SMURF1: variants seen among roughly 807,000 people sequenced by gnomAD.
SMURF1 encodes the protein SMAD specific E3 ubiquitin protein ligase 1, also known as E3 ubiquitin-protein ligase SMURF1.
In SMURF1, 44 loss-of-function variants were observed where a neutral mutation model predicts 98.0. That is an observed-to-expected ratio of 0.45 (90% CI 0.35 to 0.58). The LOEUF (loss-of-function observed/expected upper bound fraction) is 0.58. Ranked by LOEUF, SMURF1 falls within the 20% of genes least tolerant of loss-of-function variation. The pLI, the probability that SMURF1 is intolerant of heterozygous loss-of-function variation, is 0.00. For missense variants in SMURF1, 687 were observed against 938.4 expected (o/e 0.73, Z 3.50); for synonymous variants, 396 against 374.9 (o/e 1.06, Z -0.65).
intron 1 of SMURF1, among the ~76,000 whole-genome samples, chr7:99,068,931 C>T (rs1796259222): frequency 6.6e-6 from 1 of 152,120 alleles, no homozygotes; most frequent in South Asian, 2.1e-4. Flanking sequence ...TCACTCAAGC[C>T]AGTGTTTCCC....
chr7:99,051,632 C>T (rs187201400), intron 7 of SMURF1, among the ~76,000 whole-genome samples, 191 bp from the exon 8 acceptor site: 105 of 152,280 alleles, frequency 6.9e-4, no homozygotes, highest in African/African-American at 2.2e-3. Flanking sequence ...CTTTCCAGAG[C>T]ACTACAGACA....
chr7:99,045,652 G>T, intron 11 of SMURF1, 46 bp downstream of exon 11: 1 of 1,481,596 alleles, frequency 6.7e-7, no homozygotes, highest in Non-Finnish European at 9.4e-7. Context: ...CTCTTGAAAA[G>T]ACTGAGATCC....
At chr7:99,051,065 G>A (rs1795741524) in intron 8 of SMURF1, 1 of 1,382,554 alleles carries the variant, frequency 7.2e-7, no homozygotes. Context: ...GACTTATGAT[G>A]GAAAATTTTA....
intron 15 of SMURF1, chr7:99,036,113 G>A (rs1273982830): frequency 8.4e-6 from 2 of 236,974 alleles, no homozygotes; most frequent in Non-Finnish European, 1.7e-5. Context: ...CAAGTCTGAA[G>A]AGAGGAGAAT....
chr7:99,095,300 G>T (rs1321807945), intron 1 of SMURF1, among the ~76,000 whole-genome samples: 1 of 152,008 alleles, frequency 6.6e-6, no homozygotes, highest in Non-Finnish European at 1.5e-5. Flanking sequence ...GGCTGGTCTT[G>T]AACTGCTGAC....
At position 99,038,430 on chromosome 7, in the gene SMURF1, C is replaced by G. The variant is rs144216618; in HGVS notation, c.1646G>C (p.Arg549Thr). The G allele has an allele frequency of 6.2e-7, 1 of 1,614,254 alleles. No individual in the cohort carries two copies. The highest frequency in any genetic ancestry group is 8.5e-7 in the Non-Finnish European group (1 of 1,180,052). Residue 549 changes from arginine to threonine, a missense_variant, in exon 14 of 18, where the codon AGA (arginine) becomes ACA (threonine). Around this residue, in one of 2 missense-constraint regions of SMURF1, gnomAD observed 272 missense variants for 430.0 expected, o/e 0.63. Coordinates refer to ENST00000361368, the MANE Select transcript of SMURF1 (RefSeq NM_181349.3). ...ILQHELKPNGRNVPVTEENKK... is the reference protein window; with the variant it reads ...ILQHELKPNGTNVPVTEENKK... ...ATTCTCCTCTGTGACTGGCACATTT[C>G]TGCCATTGGGTTTCAGTTCATGCTG...
At chr7:99,139,227 C>T (rs1250526691) in intron 1 of SMURF1, among the ~76,000 whole-genome samples, 1 of 152,186 alleles carries the variant, frequency 6.6e-6, no homozygotes, top group Non-Finnish European at 1.5e-5. Flanking sequence ...CACAGTTGCA[C>T]CATCTGAATG....
intron 1 of SMURF1, among the ~76,000 whole-genome samples, chr7:99,108,380 C>A (rs908135915): frequency 6.6e-6 from 1 of 151,562 alleles, no homozygotes; most frequent in African/African-American, 2.4e-5. Flanking sequence ...GAGGCCGAGG[C>A]GGGCAGATTA....
In SMURF1 at chr7:99,052,263, T is replaced by C. The variant is rs1795772964; in HGVS notation, c.663A>G (p.Leu221=). 6.2e-7 allele frequency: 1 copy of C among 1,610,754 alleles called. No homozygotes were observed. ...CGTGTGGTCGGTTCTGGGGCGTCTG[T>C]AGTGAACCTCGCACATCAGGGTTTC... is the stretch of plus-strand genomic sequence containing the variant. ...RLRNPDVRGS[L]QTPQNRPHGH... Residue 221 remains leucine (L), a synonymous_variant, in exon 7 of 18, where the codon CTA becomes CTG. Transcript: ENST00000361368.
At chr7:99,050,876 CTT>C in intron 8 of SMURF1, 1 of 1,374,788 alleles carries the variant, frequency 7.3e-7, no homozygotes, top group Non-Finnish European at 9.6e-7. Context: ...AAAAAAGAAA[CTT>C]AACTCTGTTA....
chr7:99,049,816 C>A, intron 8 of SMURF1, 107 bp from the exon 9 acceptor site: 1 of 1,109,380 alleles, frequency 9.0e-7, no homozygotes, highest in Admixed American at 2.5e-5. Context: ...GTGTCTGTGT[C>A]CCAGCTCTGC....
rs534276908 is a variant in SMURF1, at chr7:99,105,463, T to C, written c.55+38263A>G. Among the ~76,000 whole-genome samples, 49 of 152,340 alleles carry C rather than the reference T, an allele frequency of 3.2e-4. 1 individual carries two copies. The highest frequency in any genetic ancestry group is 1.9e-3 in the Admixed American group (29 of 15,308). The stretch of plus-strand genomic sequence containing the variant: ...TTACTAACAATTACACACTACTCTA[T>C]ACTATATGCCAGGTACTGTTGTAAA... On this transcript the variant is annotated intron_variant, in intron 1 of 17. Coordinates refer to ENST00000361368, the MANE Select transcript of SMURF1 (RefSeq NM_181349.3).
intron 1 of SMURF1, among the ~76,000 whole-genome samples, chr7:99,137,296 G>A (rs1177718754): frequency 6.6e-6 from 1 of 152,164 alleles, no homozygotes. Flanking sequence ...AGGTCCTTTT[G>A]TGCTCTAAAA....
intron 1 of SMURF1, among the ~76,000 whole-genome samples, chr7:99,104,903 G>T (rs1483533877): frequency 6.6e-6 from 1 of 152,154 alleles, no homozygotes; most frequent in Non-Finnish European, 1.5e-5. Flanking sequence ...AAGCTACCTT[G>T]CTTCTTGCTT....
chr7:99,053,912 C>T (rs1399945612), intron 6 of SMURF1, among the ~76,000 whole-genome samples: 1 of 152,050 alleles, frequency 6.6e-6, no homozygotes, highest in African/African-American at 2.4e-5. Context: ...CTGATATGTT[C>T]CAAATTCATG....
intron 6 of SMURF1, among the ~76,000 whole-genome samples, chr7:99,054,257 G>A (rs1351152180): frequency 6.6e-6 from 1 of 151,692 alleles, no homozygotes; most frequent in Non-Finnish European, 1.5e-5. Context: ...CCCATCTTTG[G>A]CCCGTGGGAG....
chr7:99,081,568 T>C (rs1163238430), intron 1 of SMURF1: 1 of 152,244 alleles, frequency 6.6e-6, no homozygotes, highest in African/African-American at 2.4e-5. Flanking sequence ...TTTTCCAAAG[T>C]AGCTGCACAA....
intron 1 of SMURF1, among the ~76,000 whole-genome samples, chr7:99,077,930 C>T (rs1338915760): frequency 6.6e-6 from 1 of 152,150 alleles, no homozygotes; most frequent in Non-Finnish European, 1.5e-5. Context: ...CCTGAAAGGG[C>T]TCATTCTATT....
chr7:99,041,781 G>T (rs956302853), intron 12 of SMURF1, among the ~76,000 whole-genome samples: 1 of 152,210 alleles, frequency 6.6e-6, no homozygotes, highest in African/African-American at 2.4e-5. Flanking sequence ...CCGGGAGGAG[G>T]CTGGACTTCG....
Sources: allele counts gnomAD v4.1 joint callset (sites outside exome capture counted in the v4.1 genomes callset), GRCh38; gene constraint gnomAD v4.1.1; regional missense constraint gnomAD v4.1.1; transcripts MANE v1.5; gene names NCBI Gene and HGNC (gene_info 2026-07-23, HGNC 2026-07-21).